OSBPL1A: variants seen among roughly 807,000 people sequenced by gnomAD.
OSBPL1A encodes the protein oxysterol binding protein like 1A.
In OSBPL1A, 80 loss-of-function variants were observed where a neutral mutation model predicts 137.1. The observed-to-expected ratio is 0.58, with a 90% confidence interval of 0.49 to 0.70. The LOEUF (loss-of-function observed/expected upper bound fraction) is 0.70, where lower values mean the gene tolerates loss of function less well. Ranked by LOEUF, OSBPL1A falls within the 30% of genes least tolerant of loss-of-function variation. The probability of loss-of-function intolerance (pLI) is 0.00; values close to 1 mark genes in which losing one functional copy is unlikely to be tolerated. For missense variants in OSBPL1A, 970 were observed against 1,129.4 expected, an observed-to-expected ratio of 0.86 and a Z score of 2.02; for synonymous variants, 365 against 389.7, an observed-to-expected ratio of 0.94 and a Z score of 0.75.
At chr18:24,347,953 C>T (rs1429683147) in intron 4 of OSBPL1A, 1 of 150,038 alleles carries the variant, frequency 6.7e-6, no homozygotes, top group African/African-American at 2.5e-5. Flanking sequence ...ATTAATACAA[C>T]TCCAAGGAAA....
At chr18:24,390,850 G>A (rs1023754146) in intron 1 of OSBPL1A, among the ~76,000 whole-genome samples, 2 of 151,612 alleles carry the variant, frequency 1.3e-5, no homozygotes, top group Admixed American at 6.6e-5. Flanking sequence ...CTGTAATCGC[G>A]GCACTTTGGG....
intron 15 of OSBPL1A, among the ~76,000 whole-genome samples, chr18:24,264,934 T>C (rs1219871343): frequency 6.6e-6 from 1 of 152,128 alleles, no homozygotes; most frequent in Non-Finnish European, 1.5e-5. Context: ...CTCTGTAAAA[T>C]AAAGAATAGA....
intron 1 of OSBPL1A, among the ~76,000 whole-genome samples, chr18:24,379,076 A>C (rs1229813169): frequency 6.6e-6 from 1 of 152,224 alleles, no homozygotes; most frequent in East Asian, 1.9e-4. Flanking sequence ...CTGTCCTGTA[A>C]CAAAAACAAG....
At chr18:24,197,518 C>T (rs1050828651) in intron 17 of OSBPL1A, among the ~76,000 whole-genome samples, 1 of 152,108 alleles carries the variant, frequency 6.6e-6, no homozygotes, top group Non-Finnish European at 1.5e-5. Flanking sequence ...AGTCAATAAT[C>T]CATGGTGGAA....
rs570086119 is a variant in OSBPL1A, at chr18:24,172,624, T to C, written c.2094-141A>G. The C allele has an allele frequency of 2.7e-5, 15 of 557,008 alleles. No individual in the cohort carries two copies. In the East Asian group the frequency reaches 4.1e-4, roughly 15 times the overall value. 34.5% of individuals were successfully genotyped at this position (557,008 alleles called of 1,614,324 possible). A position where few individuals can be genotyped will look rare whatever the true frequency, so the allele number is the denominator to read the frequency against. On this transcript the variant is annotated intron_variant, in intron 21 of 27. Transcript: ENST00000319481. Reference sequence around the variant, plus strand: ...ACGTTCTAAGCCTTTAAAAATTCTATTGATGTTAACTCACCATAAAATTGG... The same window carrying C: ...ACGTTCTAAGCCTTTAAAAATTCTACTGATGTTAACTCACCATAAAATTGG...
Position 24,385,024 on chromosome 18 carries a change from G to T in OSBPL1A, c.-2-7489C>A, listed in dbSNP as rs538791957. Among the ~76,000 whole-genome samples the T allele has an allele frequency of 4.0e-5, 6 of 149,330 alleles. No individual in the cohort carries two copies. In the East Asian group the frequency reaches 5.9e-4, roughly 15 times the overall value. On this transcript the variant is annotated intron_variant, in intron 1 of 27. Transcript: ENST00000319481. ...GGCTGGAGTGCAGTGGCACAATCTC[G>T]ACTCACTGCAAGCTCCGCCTCCCGG...
chr18:24,379,029 AAAT>A (rs1939216327), intron 1 of OSBPL1A, among the ~76,000 whole-genome samples: 1 of 152,234 alleles, frequency 6.6e-6, no homozygotes, highest in Non-Finnish European at 1.5e-5. Context: ...AAATGTTAAA[AAAT>A]AATAACTAAT....
chr18:24,346,224 T>C (rs1023225726), intron 4 of OSBPL1A, among the ~76,000 whole-genome samples: 9 of 152,166 alleles, frequency 5.9e-5, no homozygotes, highest in African/African-American at 9.7e-5. Context: ...AGCCATTATA[T>C]TGCTGTCACC....
chr18:24,191,358 TAA>T (rs1457134366), intron 18 of OSBPL1A, among the ~76,000 whole-genome samples: 4 of 152,152 alleles, frequency 2.6e-5, no homozygotes, highest in Non-Finnish European at 5.9e-5. Context: ...GACATTTTTT[TAA>T]AAACCCAAAA....
intron 17 of OSBPL1A, among the ~76,000 whole-genome samples, chr18:24,224,140 C>T (rs1411424561): frequency 6.6e-6 from 1 of 152,010 alleles, no homozygotes; most frequent in Non-Finnish European, 1.5e-5. Flanking sequence ...AAAATAAATA[C>T]AAACTGAGAC....
intron 11 of OSBPL1A, 76 bp from the exon 12 acceptor site, chr18:24,314,423 T>C (rs1013874160): frequency 7.0e-6 from 7 of 995,970 alleles, no homozygotes; most frequent in Non-Finnish European, 1.0e-5. Flanking sequence ...TACATAAAAT[T>C]TAAAGTAGTG....
intron 1 of OSBPL1A, among the ~76,000 whole-genome samples, chr18:24,378,499 A>G (rs1906355444): frequency 6.6e-6 from 1 of 152,188 alleles, no homozygotes; most frequent in South Asian, 2.1e-4. Context: ...TTTTTATTTC[A>G]ATGTTTATTT....
intron 5 of OSBPL1A, among the ~76,000 whole-genome samples, chr18:24,339,125 C>T (rs1843830): frequency 0.13 from 19,880 of 152,054 alleles, 1,436 homozygotes; most frequent in East Asian, 0.22. Context: ...GTGTCCACTA[C>T]TACGCCCAGC....
intron 4 of OSBPL1A, among the ~76,000 whole-genome samples, chr18:24,346,298 T>G (rs181026079): frequency 1.3e-5 from 2 of 152,210 alleles, no homozygotes; most frequent in African/African-American, 2.4e-5. Context: ...TTATTTTTTT[T>G]AAATAACAGC....
intron 4 of OSBPL1A, chr18:24,358,650 C>T (rs1468538096): frequency 3.1e-6 from 2 of 642,986 alleles, no homozygotes; most frequent in Non-Finnish European, 5.6e-6. Context: ...CCTAGGAAAT[C>T]CTAAAGCCCA....
At chr18:24,324,603 TAAAAAA>T (rs71163674) in intron 7 of OSBPL1A, among the ~76,000 whole-genome samples, 2 of 5,654 alleles carry the variant, frequency 3.5e-4, no homozygotes, top group South Asian at 3.0e-3. Context: ...AATATGAATA[TAAAAAA>T]AAAAAAAAAA....
intron 15 of OSBPL1A, among the ~76,000 whole-genome samples, chr18:24,244,446 C>T (rs757905914): frequency 2.6e-5 from 4 of 152,110 alleles, no homozygotes; most frequent in South Asian, 2.1e-4. Context: ...CTTTCAAATT[C>T]GCATATGGAA....
rs113414223 is a variant in OSBPL1A, at chr18:24,285,291, C to A, written c.1175-4343G>T. ...ATGAATAAGGAAACTAATAAAATAT[C>A]TTATTCCACATCTTGCTACCATAAT... On this transcript the variant is annotated intron_variant, in intron 14 of 27. Coordinates refer to ENST00000319481, the MANE Select transcript of OSBPL1A (RefSeq NM_080597.4). Among the ~76,000 whole-genome samples, 922 of 152,292 alleles carry A rather than the reference C, an allele frequency of 6.1e-3. 11 individuals carry two copies. Among genetic ancestry groups the A allele is most frequent in the African/African-American group, 0.021 (882 of 41,564 alleles).
At chr18:24,211,119 C>T (rs768221010) in intron 17 of OSBPL1A, among the ~76,000 whole-genome samples, 1 of 152,124 alleles carries the variant, frequency 6.6e-6, no homozygotes, top group Non-Finnish European at 1.5e-5. Flanking sequence ...GTGCCCACCA[C>T]CACGCCCAGC....
Sources: gnomAD v4.1 joint callset for allele counts (sites outside exome capture counted in the v4.1 genomes callset) on GRCh38, gnomAD v4.1.1 for gene constraint, MANE v1.5 for transcripts, NCBI Gene and HGNC (gene_info 2026-07-23, HGNC 2026-07-21) for gene names.